BHMT: variants seen among roughly 807,000 people sequenced by gnomAD.
BHMT encodes betaine--homocysteine S-methyltransferase 1.
In BHMT, 38 loss-of-function variants were observed where a neutral mutation model predicts 49.5. That is an observed-to-expected ratio of 0.77 (90% CI 0.59 to 1.01). BHMT has a LOEUF of 1.01. Ranked by LOEUF, BHMT falls within the 50% of genes least tolerant of loss-of-function variation. The pLI, the probability that BHMT is intolerant of heterozygous loss-of-function variation, is 0.00. For missense variants in BHMT, 426 were observed against 495.7 expected (o/e 0.86, Z 1.34); for synonymous variants, 166 against 176.3 (o/e 0.94, Z 0.46).
At chr5:79,117,620 G>C (rs1306466326) in intron 2 of BHMT, among the ~76,000 whole-genome samples, 4 of 152,120 alleles carry the variant, frequency 2.6e-5, no homozygotes, top group Non-Finnish European at 5.9e-5. Flanking sequence ...CTATGTTCCA[G>C]TTACTCTACT....
Position 79,120,383 on chromosome 5 carries a change from GC to G in BHMT, c.322del (p.Arg108AspfsTer11). Reference protein sequence around the residue: ...QEVNEAACDIARQVADEGDAL... With the variant: ...QEVNEAACDIXRQVADEGDAL... ...AGTCAATGAAGCTGCTTGCGACATC[GC>G]CCGACAAGTGGCTGATGAAGGAGAT... On this transcript the variant is annotated frameshift_variant, in exon 4 of 8. Transcript: ENST00000274353. LOFTEE classifies it high-confidence loss of function. The G allele has an allele frequency of 6.2e-7, 1 of 1,613,358 alleles. No individual in the cohort carries two copies. The highest frequency in any genetic ancestry group is 8.5e-7 in the Non-Finnish European group (1 of 1,179,744).
intron 1 of BHMT, among the ~76,000 whole-genome samples, chr5:79,114,318 T>G (rs1666512766): frequency 6.6e-6 from 1 of 152,162 alleles, no homozygotes; most frequent in Admixed American, 6.5e-5. Flanking sequence ...GAAAATGTTT[T>G]GATCTGAAAG....
chr5:79,130,621 AT>A (rs1007130733), intron 7 of BHMT, among the ~76,000 whole-genome samples: 6 of 150,792 alleles, frequency 4.0e-5, no homozygotes, highest in African/African-American at 1.2e-4. Context: ...TGAGCACATG[AT>A]TTTTTCACTG....
intron 5 of BHMT, among the ~76,000 whole-genome samples, chr5:79,124,786 T>G (rs964216005): frequency 6.6e-6 from 1 of 152,154 alleles, no homozygotes; most frequent in African/African-American, 2.4e-5. Flanking sequence ...GAGGCTGAAA[T>G]GTAAATTAAA....
chr5:79,117,291 G>A (rs1002082043), intron 2 of BHMT, among the ~76,000 whole-genome samples: 3 of 152,058 alleles, frequency 2.0e-5, no homozygotes, highest in African/African-American at 4.8e-5. Context: ...CATGTGAGTG[G>A]ACTTCGTAGT....
chr5:79,118,657 C>A (rs1756421524), intron 2 of BHMT, among the ~76,000 whole-genome samples: 1 of 152,214 alleles, frequency 6.6e-6, no homozygotes, highest in African/African-American at 2.4e-5. Flanking sequence ...TCAACTCCAG[C>A]CACTCAAGGT....
chr5:79,125,287 C>G (rs1406856851), intron 5 of BHMT, among the ~76,000 whole-genome samples: 2 of 151,830 alleles, frequency 1.3e-5, no homozygotes, highest in Non-Finnish European at 2.9e-5. Context: ...GAAACCCTGT[C>G]TCCACTAAAA....
At chr5:79,121,125 T>C in intron 4 of BHMT, 93 bp from the exon 5 acceptor site, 1 of 1,487,604 alleles carries the variant, frequency 6.7e-7, no homozygotes. Context: ...CACTCCAGCC[T>C]GGGTGAAAGA....
chr5:79,116,841 C>A (rs1456186829), intron 2 of BHMT, among the ~76,000 whole-genome samples: 5 of 152,134 alleles, frequency 3.3e-5, no homozygotes, highest in African/African-American at 1.2e-4. Flanking sequence ...GTAAAAGGGA[C>A]TAGCCCTATT....
intron 3 of BHMT, 110 bp downstream of exon 3, chr5:79,119,487 T>G (rs1756435057): frequency 1.3e-6 from 1 of 796,240 alleles, no homozygotes; most frequent in Non-Finnish European, 1.9e-6. Context: ...GTTTTATTTC[T>G]AATAATACAA....
intron 3 of BHMT, chr5:79,119,669 C>T (rs1756438600): frequency 4.0e-6 from 1 of 252,302 alleles, no homozygotes; most frequent in East Asian, 9.1e-5. Context: ...TTCTTTCGTC[C>T]TTAATGTTTT....
In BHMT at chr5:79,131,150, G is replaced by A. The variant is rs745416754; in HGVS notation, c.*34G>A. The A allele has an allele frequency of 1.9e-6, 3 of 1,585,154 alleles. No individual in the cohort carries two copies. The highest frequency in any genetic ancestry group is 2.6e-6 in the Non-Finnish European group (3 of 1,164,364). On this transcript the variant is annotated 3_prime_UTR_variant, in exon 8 of 8. Coordinates refer to ENST00000274353, the MANE Select transcript of BHMT (RefSeq NM_001713.3). The stretch of plus-strand genomic sequence containing the variant: ...GAAGCTATTTTTGATGAATTTCTAG[G>A]TGTTTGGGTCACAGTTCCTACAAAT...
chr5:79,121,397 G>A (rs1235323040), intron 5 of BHMT, 32 bp downstream of exon 5: 4 of 1,613,088 alleles, frequency 2.5e-6, no homozygotes. Context: ...TTTGTGATTA[G>A]TAAGTCTTAA....
Position 79,127,834 on chromosome 5 carries a change from T to C in BHMT, c.888T>C (p.Ile296=), listed in dbSNP as rs1185001291. The C allele has an allele frequency of 1.9e-6, 3 of 1,614,104 alleles. No homozygotes were observed. The highest frequency in any genetic ancestry group is 2.5e-6 in the Non-Finnish European group (3 of 1,179,992). The change falls in exon 7 of 8, where the codon ATT becomes ATC. Residue 296 remains isoleucine (I), a synonymous_variant. Transcript: ENST00000274353. The stretch of plus-strand genomic sequence containing the variant: ...CCTACAACCTGGGGGTCAGGTACAT[T>C]GGCGGGTGCTGTGGATTTGAGCCCT... ...REAYNLGVRY[I]GGCCGFEPYH... is the part of the protein sequence containing the mutation.
At chr5:79,129,622 G>A (rs576757816) in intron 7 of BHMT, among the ~76,000 whole-genome samples, 132 of 152,236 alleles carry the variant, frequency 8.7e-4, no homozygotes, top group Middle Eastern at 3.4e-3. Context: ...AGTTGTAATC[G>A]CCATGTGAGG....
chr5:79,115,234 G>A (rs1756368026), intron 1 of BHMT, among the ~76,000 whole-genome samples: 1 of 151,848 alleles, frequency 6.6e-6, no homozygotes, highest in Non-Finnish European at 1.5e-5. Context: ...TGGGGAGGGT[G>A]AGACTGGAGG....
chr5:79,120,970 G>A (rs1756458920), intron 4 of BHMT, among the ~76,000 whole-genome samples: 2 of 152,222 alleles, frequency 1.3e-5, no homozygotes, highest in Admixed American at 1.3e-4. Context: ...GGCCAACATG[G>A]TGAAACCCCG....
intron 1 of BHMT, 151 bp from the exon 2 acceptor site, chr5:79,115,616 A>G: frequency 1.2e-6 from 1 of 827,444 alleles, no homozygotes; most frequent in Non-Finnish European, 1.7e-6. Flanking sequence ...TCTTATAGAT[A>G]GCCATAAATG....
At chr5:79,125,234 G>T (rs686764) in intron 5 of BHMT, among the ~76,000 whole-genome samples, 96,327 of 151,832 alleles carry the variant, frequency 0.63, 31,146 homozygotes, top group Admixed American at 0.76. Flanking sequence ...GAGCTGGGCG[G>T]ATCACAAGGT....
Sources: gnomAD v4.1 joint callset for allele counts (sites outside exome capture counted in the v4.1 genomes callset) on GRCh38, gnomAD v4.1.1 for gene constraint, MANE v1.5 for transcripts, NCBI Gene and HGNC (gene_info 2026-07-23, HGNC 2026-07-21) for gene names.